PHF3: variants seen among roughly 807,000 people sequenced by gnomAD.
The protein encoded by PHF3 is PHD finger protein 3.
In PHF3, 41 loss-of-function variants were observed where a neutral mutation model predicts 178.4. That is an observed-to-expected ratio of 0.23 (90% confidence interval 0.18 to 0.30). PHF3 has a LOEUF of 0.30. Ranked by LOEUF, PHF3 falls within the 10% of genes least tolerant of loss-of-function variation. The probability of loss-of-function intolerance (pLI) is 1.00; values close to 1 mark genes in which losing one functional copy is unlikely to be tolerated. For missense variants in PHF3, 2,346 were observed against 2,398.1 expected, an observed-to-expected ratio of 0.98 and a Z score of 0.45; for synonymous variants, 842 against 800.5, an observed-to-expected ratio of 1.05 and a Z score of -0.88.
At position 63,638,681 on chromosome 6, in the gene PHF3, T is replaced by A. The variant is rs114972674; in HGVS notation, c.-26+2531T>A. Among the ~76,000 whole-genome samples, 956 of 152,256 alleles carry A rather than the reference T, an allele frequency of 6.3e-3. 8 individuals carry two copies. The highest frequency in any genetic ancestry group is 0.021 in the African/African-American group (880 of 41,578). ...TCAAGAATTCTTTCTGACAAGTGGCTGCTGGATTTTTTTCTTTTCTGGAAA... is the reference window on the plus strand; with the variant it reads ...TCAAGAATTCTTTCTGACAAGTGGCAGCTGGATTTTTTTCTTTTCTGGAAA... On this transcript the variant is annotated intron_variant, in intron 1 of 15. Coordinates refer to ENST00000262043, the MANE Select transcript of PHF3 (RefSeq NM_001370348.2).
At chr6:63,688,926 C>T (rs11968477) in intron 4 of PHF3, among the ~76,000 whole-genome samples, 1,728 of 152,282 alleles carry the variant, frequency 0.011, 27 homozygotes, top group African/African-American at 0.04. Context: ...ACTATATAAA[C>T]GCTTTATCAT....
In PHF3 at chr6:63,718,969, A is replaced by T. The variant is rs1466503430; in HGVS notation, c.*5261A>T. On this transcript the variant is annotated 3_prime_UTR_variant, in exon 16 of 16. Transcript: ENST00000262043. ...AAATGCAATAGTATGGAGCAATACCAGTTTAGGTCACAGTTTTTCAGCAAA... is the reference window on the plus strand; with the variant it reads ...AAATGCAATAGTATGGAGCAATACCTGTTTAGGTCACAGTTTTTCAGCAAA... Among the ~76,000 whole-genome samples the T allele has an allele frequency of 6.6e-6, 1 of 152,060 alleles. No homozygotes were observed. The highest frequency in any genetic ancestry group is 1.5e-5 in the Non-Finnish European group (1 of 67,950).
chr6:63,685,957 T>C (rs763298746), intron 4 of PHF3, 46 bp downstream of exon 4: 1 of 1,409,752 alleles, frequency 7.1e-7, no homozygotes, highest in South Asian at 1.3e-5. Flanking sequence ...TGAAAATAAA[T>C]TGCTTTTTTG....
At chr6:63,649,162 C>CT (rs1167213989) in intron 2 of PHF3, among the ~76,000 whole-genome samples, 1 of 151,584 alleles carries the variant, frequency 6.6e-6, no homozygotes, top group African/African-American at 2.4e-5. Context: ...AGGCTGGTCT[C>CT]TTAACTCCTG....
chr6:63,721,801 CA>C lies in PHF3; in HGVS notation c.*8095del. ...AAAGAGATGCATAAAAAATCACCTG[CA>C]AGAAAGCAAACAGTAAGTTTGATTA... is the stretch of plus-strand genomic sequence containing the variant. On this transcript the variant is annotated 3_prime_UTR_variant, in exon 16 of 16. Transcript: ENST00000262043. The C allele has an allele frequency of 6.5e-7, 1 of 1,537,798 alleles. No individual in the cohort carries two copies. The highest frequency in any genetic ancestry group is 1.4e-5 in the African/African-American group (1 of 72,476).
At chr6:63,697,899 A>G (rs183136327) in intron 6 of PHF3, among the ~76,000 whole-genome samples, 16 of 152,324 alleles carry the variant, frequency 1.1e-4, no homozygotes, top group Admixed American at 5.9e-4. Context: ...AGATTCATCA[A>G]TTTTGTGGTA....
In PHF3 at chr6:63,711,652, A is replaced by G. The variant is rs1011389253; in HGVS notation, c.4064A>G (p.His1355Arg). 8 of 1,611,726 alleles carry G rather than the reference A, an allele frequency of 5.0e-6. No homozygotes were observed. The highest frequency in any genetic ancestry group is 6.8e-6 in the Non-Finnish European group (8 of 1,179,394). ...LIIRQKLKRQ[H>R]SACASTSHIA... ...ATTCGTCAGAAACTGAAGCGACAGC[A>G]CAGTGCCTGTGCTAGTACTAGTCAT... The change falls in exon 16 of 16, where the codon CAC (histidine) becomes CGC (arginine). Residue 1355 changes from histidine (H) to arginine (R), a missense_variant. Physicochemically the swap from His to Arg is conservative, Grantham distance 29. Transcript: ENST00000262043.
chr6:63,690,368 A>C (rs866088862), intron 4 of PHF3, among the ~76,000 whole-genome samples: 1 of 152,150 alleles, frequency 6.6e-6, no homozygotes, highest in Non-Finnish European at 1.5e-5. Context: ...AAGGCATAGT[A>C]GTGGTTTTAT....
chr6:63,681,862 A>G (rs1766453309), intron 3 of PHF3, among the ~76,000 whole-genome samples: 1 of 152,016 alleles, frequency 6.6e-6, no homozygotes, highest in South Asian at 2.1e-4. Flanking sequence ...TGAAACTTCT[A>G]AGTGTGGGGA....
At chr6:63,669,688 G>C (rs1410841978) in intron 2 of PHF3, among the ~76,000 whole-genome samples, 1 of 152,186 alleles carries the variant, frequency 6.6e-6, no homozygotes, top group Non-Finnish European at 1.5e-5. Flanking sequence ...AGGCTCTAGA[G>C]TTGGAAAGTT....
At position 63,724,564 on chromosome 6, in the gene PHF3, A is replaced by G. The variant is rs2149629340; in HGVS notation, c.*10856A>G. Among the ~76,000 whole-genome samples the G allele has an allele frequency of 6.6e-6, 1 of 152,250 alleles. No individual in the cohort carries two copies. The highest frequency in any genetic ancestry group is 2.1e-4 in the South Asian group (1 of 4,828). On this transcript the variant is annotated 3_prime_UTR_variant, in exon 16 of 16. Transcript: ENST00000262043. ...ATTTGTGCTTAACAAAATGTTGATA[A>G]TTTTTATATATCAAAAATCTTTTAA...
At chr6:63,673,818 A>C (rs1004074969) in intron 2 of PHF3, among the ~76,000 whole-genome samples, 1 of 152,232 alleles carries the variant, frequency 6.6e-6, no homozygotes, top group East Asian at 1.9e-4. Context: ...TGTACCAAAA[A>C]GGTGAATATC....
At chr6:63,688,057 G>A (rs185235704) in intron 4 of PHF3, among the ~76,000 whole-genome samples, 1,892 of 151,218 alleles carry the variant, frequency 0.013, 16 homozygotes, top group Non-Finnish European at 0.02. Flanking sequence ...GCTGGCGGGC[G>A]CCTGTAGTCC....
intron 2 of PHF3, among the ~76,000 whole-genome samples, chr6:63,674,589 G>C (rs1766085219): frequency 6.6e-6 from 1 of 151,976 alleles, no homozygotes; most frequent in African/African-American, 2.4e-5. Context: ...TTACCAACGG[G>C]TGGTCAAGTA....
rs938795739 is a variant in PHF3, at chr6:63,715,295, C to T, written c.*1587C>T. The T allele has an allele frequency of 2.6e-5, 4 of 152,020 alleles. No homozygotes were observed. Among genetic ancestry groups the T allele is most frequent in the African/African-American group, 7.2e-5 (3 of 41,404 alleles). 9.4% of individuals were successfully genotyped at this position (152,020 alleles called of 1,614,324 possible). A position where few individuals can be genotyped will look rare whatever the true frequency, so the allele number is the denominator to read the frequency against. ...AGAGAACTTGTGTTTAAATAAAGCCCGTTTAACTTTGGTCCACTTTTCTTT... is the reference window on the plus strand; with the variant it reads ...AGAGAACTTGTGTTTAAATAAAGCCTGTTTAACTTTGGTCCACTTTTCTTT... On this transcript the variant is annotated 3_prime_UTR_variant, in exon 16 of 16. Coordinates refer to ENST00000262043, the MANE Select transcript of PHF3 (RefSeq NM_001370348.2).
At chr6:63,672,257 A>G (rs1765951539) in intron 2 of PHF3, among the ~76,000 whole-genome samples, 1 of 152,206 alleles carries the variant, frequency 6.6e-6, no homozygotes, top group Non-Finnish European at 1.5e-5. Context: ...AGAAATAAAA[A>G]TAATATTTAA....
rs1450795770 is a variant in PHF3, at chr6:63,683,730, A to T, written c.407-399A>T. 5.3e-5 allele frequency among the ~76,000 whole-genome samples: 8 copies of T among 152,230 alleles called. No homozygotes were observed. The East Asian group carries it at 1.5e-3, about 29-fold the overall frequency. On this transcript the variant is annotated intron_variant, in intron 3 of 15. Coordinates refer to ENST00000262043, the MANE Select transcript of PHF3 (RefSeq NM_001370348.2). ...AATATATTTGGTTTTATATATTTAG[A>T]AATATTTAATGTTTAAAAATCCATG...
chr6:63,709,781 T>C (rs1416132843), intron 14 of PHF3, among the ~76,000 whole-genome samples: 3 of 152,206 alleles, frequency 2.0e-5, no homozygotes, highest in African/African-American at 7.2e-5. Flanking sequence ...CTGGGAAATG[T>C]AATCTTTATT....
chr6:63,664,306 A>G (rs192431998), intron 2 of PHF3, among the ~76,000 whole-genome samples: 81 of 152,338 alleles, frequency 5.3e-4, no homozygotes, highest in African/African-American at 1.8e-3. Context: ...TGGGAATCAG[A>G]TAAAGTCCAG....
Sources: allele counts gnomAD v4.1 joint callset (sites outside exome capture counted in the v4.1 genomes callset), GRCh38; gene constraint gnomAD v4.1.1; transcripts MANE v1.5; gene names NCBI Gene and HGNC (gene_info 2026-07-23, HGNC 2026-07-21).